The following FAM162A variants were observed in gnomAD, a reference collection of about 807,000 sequenced individuals.
FAM162A encodes the protein family with sequence similarity 162 member A, also known as protein FAM162A.
Under a neutral mutation model 21.8 loss-of-function variants are expected in FAM162A, and 23 were observed. The ratio of observed to expected loss-of-function variants is 1.05; its 90% CI spans 0.76 to 1.49. The LOEUF is 1.49. FAM162A is among the 40% of genes most tolerant of loss of function. FAM162A has a pLI of 0.00. For synonymous variants in FAM162A, 53 were observed against 61.3 expected, an observed-to-expected ratio of 0.86 and a Z score of 0.64; for missense variants, 165 against 186.4, an observed-to-expected ratio of 0.89 and a Z score of 0.67.
At chr3:122,409,117 G>A (rs1421591088) in intron 4 of FAM162A, among the ~76,000 whole-genome samples, 1 of 147,976 alleles carries the variant, frequency 6.8e-6, no homozygotes, top group Admixed American at 7.0e-5. Context: ...TGGTATAAAA[G>A]TGTTGAAACT....
Position 122,409,928 on chromosome 3 carries a change from A to T in FAM162A, c.*97A>T, listed in dbSNP as rs1330694797. The T allele has an allele frequency of 1.9e-6, 2 of 1,074,560 alleles. No homozygotes were observed. Among genetic ancestry groups the T allele is most frequent in the Non-Finnish European group, 2.9e-6 (2 of 701,704 alleles). 66.6% of individuals were successfully genotyped at this position (1,074,560 alleles called of 1,614,324 possible). A position where few individuals can be genotyped will look rare whatever the true frequency, so the allele number is the denominator to read the frequency against. On this transcript the variant is annotated 3_prime_UTR_variant, in exon 5 of 5. Coordinates refer to ENST00000477892, the MANE Select transcript of FAM162A (RefSeq NM_014367.4). ...TGTGGTATGAGGATCCATTTCATAA[A>T]GTATGATTTGCCCAAACCTGTACCA...
At chr3:122,385,925 G>C (rs2075572503) in intron 1 of FAM162A, among the ~76,000 whole-genome samples, 1 of 152,124 alleles carries the variant, frequency 6.6e-6, no homozygotes, top group South Asian at 2.1e-4. Flanking sequence ...GCCCTCTCAG[G>C]TAAGTCTTAT....
Position 122,409,847 on chromosome 3 carries a change from T to C in FAM162A, c.*16T>C. On this transcript the variant is annotated 3_prime_UTR_variant, in exon 5 of 5. Coordinates refer to ENST00000477892, the MANE Select transcript of FAM162A (RefSeq NM_014367.4). ...AACAGAGTAGCAGAGGTATCCGTGT[T>C]GGCTGGATTTTGAAAATCCAGGAAT... 6.2e-7 allele frequency: 1 copy of C among 1,609,574 alleles called. No individual in the cohort carries two copies. The highest frequency in any genetic ancestry group is 8.5e-7 in the Non-Finnish European group (1 of 1,175,886).
At chr3:122,385,492 C>T (rs1351372589) in intron 1 of FAM162A, among the ~76,000 whole-genome samples, 1 of 152,160 alleles carries the variant, frequency 6.6e-6, no homozygotes, top group Non-Finnish European at 1.5e-5. Flanking sequence ...AGGATCATTG[C>T]TCTGTAAAAA....
intron 1 of FAM162A, among the ~76,000 whole-genome samples, chr3:122,398,488 A>G (rs895431782): frequency 6.6e-6 from 1 of 152,246 alleles, no homozygotes; most frequent in Non-Finnish European, 1.5e-5. Context: ...AAATCTTTCA[A>G]GCCTCAAAAA....
In FAM162A at chr3:122,384,358, G is replaced by A; in HGVS notation, c.34+59G>A. 12 of 1,546,722 alleles carry A rather than the reference G, an allele frequency of 7.8e-6. No individual in the cohort carries two copies. In the South Asian group the frequency reaches 1.3e-4, roughly 17 times the overall value. On this transcript the variant is annotated intron_variant, in intron 1 of 4. Transcript: ENST00000477892. The stretch of plus-strand genomic sequence containing the variant: ...AGCTGGCCCGGCCGCTGCGGGTGGG[G>A]GAATCCTGAAGCCTTCCTGGGCCCC...
At chr3:122,392,261 CCTT>C (rs1447025852) in intron 1 of FAM162A, among the ~76,000 whole-genome samples, 1 of 152,190 alleles carries the variant, frequency 6.6e-6, no homozygotes, top group Non-Finnish European at 1.5e-5. Context: ...AGAGCAGAGT[CCTT>C]CTAGCTTGCT....
intron 4 of FAM162A, among the ~76,000 whole-genome samples, chr3:122,409,486 G>T (rs1487173804): frequency 6.6e-6 from 1 of 152,150 alleles, no homozygotes; most frequent in African/African-American, 2.4e-5. Flanking sequence ...GATAAAGACT[G>T]AAAGAAAGGG....
At chr3:122,401,581 A>G in intron 1 of FAM162A, 1 of 1,218,334 alleles carries the variant, frequency 8.2e-7, no homozygotes, top group South Asian at 1.4e-5. Context: ...AGCTCAGGTG[A>G]TTATAATTTC....
At chr3:122,400,441 A>G (rs1320047197) in intron 1 of FAM162A, among the ~76,000 whole-genome samples, 2 of 152,132 alleles carry the variant, frequency 1.3e-5, no homozygotes, top group Non-Finnish European at 2.9e-5. Context: ...TGATGGGTGC[A>G]GCAAACCACC....
At chr3:122,403,832 T>TC (rs1279141813) in intron 2 of FAM162A, among the ~76,000 whole-genome samples, 2 of 152,184 alleles carry the variant, frequency 1.3e-5, no homozygotes, top group Non-Finnish European at 2.9e-5. Flanking sequence ...TATTACAGGC[T>TC]CCCATTTGGA....
intron 2 of FAM162A, among the ~76,000 whole-genome samples, chr3:122,403,560 A>T (rs1324583091): frequency 6.6e-6 from 1 of 152,202 alleles, no homozygotes; most frequent in Non-Finnish European, 1.5e-5. Flanking sequence ...TATTAATGAA[A>T]TGACTCAGAT....
intron 1 of FAM162A, among the ~76,000 whole-genome samples, chr3:122,398,410 C>A (rs142986695): frequency 6.6e-6 from 1 of 152,218 alleles, no homozygotes; most frequent in Admixed American, 6.5e-5. Flanking sequence ...TTGGCATATG[C>A]CTATTGATGT....
intron 4 of FAM162A, among the ~76,000 whole-genome samples, chr3:122,408,211 C>T (rs2075685677): frequency 6.6e-6 from 1 of 152,142 alleles, no homozygotes; most frequent in Non-Finnish European, 1.5e-5. Flanking sequence ...AAATAGTTTT[C>T]CCAAACTCAC....
chr3:122,406,290 T>C (rs1361736210), intron 3 of FAM162A, among the ~76,000 whole-genome samples: 3 of 152,168 alleles, frequency 2.0e-5, no homozygotes, highest in Non-Finnish European at 2.9e-5. Context: ...GACCACCAGG[T>C]GTGGCAATGC....
Position 122,409,932 on chromosome 3 carries a change from T to G in FAM162A, c.*101T>G. ...GTATGAGGATCCATTTCATAAAGTA[T>G]GATTTGCCCAAACCTGTACCATTTC... is the stretch of plus-strand genomic sequence containing the variant. On this transcript the variant is annotated 3_prime_UTR_variant, in exon 5 of 5. Transcript: ENST00000477892. 2.0e-6 allele frequency: 2 copies of G among 1,017,776 alleles called. No homozygotes were observed. The highest frequency in any genetic ancestry group is 3.1e-6 in the Non-Finnish European group (2 of 651,248). 63.0% of individuals were successfully genotyped at this position (1,017,776 alleles called of 1,614,324 possible).
intron 1 of FAM162A, among the ~76,000 whole-genome samples, chr3:122,400,219 C>T (rs959041499): frequency 1.3e-5 from 2 of 152,184 alleles, no homozygotes; most frequent in African/African-American, 4.8e-5. Flanking sequence ...ATGTCCCTTG[C>T]AGGGACATGG....
intron 1 of FAM162A, among the ~76,000 whole-genome samples, chr3:122,393,703 A>G (rs2107696836): frequency 6.6e-6 from 1 of 152,332 alleles, no homozygotes; most frequent in South Asian, 2.1e-4. Context: ...CTTGTTTGAC[A>G]TAACATGGAG....
intron 1 of FAM162A, among the ~76,000 whole-genome samples, chr3:122,385,446 A>G (rs1226291015): frequency 2.0e-5 from 3 of 152,214 alleles, no homozygotes; most frequent in Non-Finnish European, 4.4e-5. Flanking sequence ...TGTACATCCT[A>G]TTAACATTAT....
Sources: allele counts gnomAD v4.1 joint callset (sites outside exome capture counted in the v4.1 genomes callset), GRCh38; gene constraint gnomAD v4.1.1; transcripts MANE v1.5; gene names NCBI Gene and HGNC (gene_info 2026-07-23, HGNC 2026-07-21).